PARD3B: variants seen among roughly 807,000 people sequenced by gnomAD.
PARD3B encodes the protein par-3 family cell polarity regulator beta, also known as partitioning defective 3 homolog B.
PARD3B carries 103 observed loss-of-function variants against 130.2 expected under a neutral mutation model. That is an observed-to-expected ratio of 0.79 (90% confidence interval 0.67 to 0.93). The LOEUF (loss-of-function observed/expected upper bound fraction) is 0.93. PARD3B is among the 40% of genes least tolerant of loss of function. PARD3B has a pLI of 0.00. For synonymous variants in PARD3B, 583 were observed against 553.2 expected, an observed-to-expected ratio of 1.05 and a Z score of -0.76; for missense variants, 1,609 against 1,499.2, an observed-to-expected ratio of 1.07 and a Z score of -1.21.
In PARD3B at chr2:204,883,440, TA is replaced by T. The variant is rs1303715282; in HGVS notation, c.223-81711del. On this transcript the variant is annotated intron_variant, in intron 2 of 22. Coordinates refer to ENST00000406610, the MANE Select transcript of PARD3B (RefSeq NM_001302769.2). ...ATAATATATATATATATAAAATATA[TA>T]TATATATATATATATTTTTTTTTTT... Among the ~76,000 whole-genome samples the T allele has an allele frequency of 1.1e-4, 11 of 102,298 alleles. 1 individual carries two copies. In the East Asian group the frequency reaches 2.4e-3, roughly 22 times the overall value. The allele number at this position is 102,298 out of a possible 152,430, so 67.1% of individuals were successfully genotyped here. A position where few individuals can be genotyped will look rare whatever the true frequency, so the allele number is the denominator to read the frequency against.
At chr2:205,468,818 C>T (rs2048723524) in intron 20 of PARD3B, among the ~76,000 whole-genome samples, 1 of 152,176 alleles carries the variant, frequency 6.6e-6, no homozygotes, top group South Asian at 2.1e-4. Context: ...CATGCATTTC[C>T]TTTAACAAAT....
chr2:205,002,831 A>G (rs765494327), intron 3 of PARD3B, among the ~76,000 whole-genome samples: 3 of 152,188 alleles, frequency 2.0e-5, no homozygotes, highest in Non-Finnish European at 4.4e-5. Flanking sequence ...ATAAGAAATT[A>G]CCACAAACTC....
chr2:204,936,847 G>A (rs766979294), intron 2 of PARD3B, among the ~76,000 whole-genome samples: 2 of 152,212 alleles, frequency 1.3e-5, no homozygotes, highest in African/African-American at 4.8e-5. Flanking sequence ...GCATGAAACC[G>A]ATGCAGCAAC....
At chr2:204,977,764 A>G (rs1248036913) in intron 3 of PARD3B, among the ~76,000 whole-genome samples, 1 of 134,632 alleles carries the variant, frequency 7.4e-6, no homozygotes, top group East Asian at 2.5e-4. Flanking sequence ...GTGAGCCGAG[A>G]TGGCGCCACT....
intron 19 of PARD3B, among the ~76,000 whole-genome samples, chr2:205,434,688 A>G (rs976416396): frequency 7.9e-5 from 12 of 152,118 alleles, no homozygotes; most frequent in African/African-American, 2.4e-4. Flanking sequence ...ATATTAGGAA[A>G]AGCAGTTGAT....
chr2:204,750,590 A>G (rs1290186262), intron 2 of PARD3B, among the ~76,000 whole-genome samples: 2 of 140,408 alleles, frequency 1.4e-5, no homozygotes, highest in African/African-American at 2.9e-5. Flanking sequence ...TGTTTCAAAA[A>G]TACACACATA....
At chr2:205,065,401 T>C (rs892620354) in intron 4 of PARD3B, among the ~76,000 whole-genome samples, 3 of 152,198 alleles carry the variant, frequency 2.0e-5, no homozygotes, top group Admixed American at 1.3e-4. Flanking sequence ...TTTGTTTCCA[T>C]AGAATAATTT....
intron 10 of PARD3B, among the ~76,000 whole-genome samples, chr2:205,132,582 CTT>C (rs2032102944): frequency 6.6e-6 from 1 of 152,144 alleles, no homozygotes; most frequent in Non-Finnish European, 1.5e-5. Context: ...CCTTACGCAG[CTT>C]TCCATCCATA....
intron 1 of PARD3B, among the ~76,000 whole-genome samples, chr2:204,658,348 T>G (rs1478352925): frequency 6.6e-6 from 1 of 152,194 alleles, no homozygotes; most frequent in Non-Finnish European, 1.5e-5. Flanking sequence ...CTTATAGATA[T>G]AAACTTTTCA....
At chr2:205,545,705 T>C (rs1239835724) in intron 21 of PARD3B, among the ~76,000 whole-genome samples, 21 of 152,156 alleles carry the variant, frequency 1.4e-4, no homozygotes, top group Non-Finnish European at 1.5e-5. Context: ...AAAAAATGTG[T>C]CCTAACCTAT....
rs368527110 is a variant in PARD3B, at chr2:205,183,426, C to A, written c.1925-2338C>A. 5.8e-4 allele frequency among the ~76,000 whole-genome samples: 89 copies of A among 152,276 alleles called. No individual in the cohort carries two copies. Among genetic ancestry groups the A allele is most frequent in the Middle Eastern group, 6.8e-3 (2 of 294 alleles). ...GTTGTCCCAGGATGTCCATTGTCCC[C>A]AATTTACATTACAGTCCTTCTGTTC... On this transcript the variant is annotated intron_variant, in intron 13 of 22. Transcript: ENST00000406610. The surrounding 1 kb of genome is among the most constrained non-coding windows in gnomAD (Gnocchi z 5.2).
chr2:205,387,702 G>T (rs938870742), intron 18 of PARD3B, among the ~76,000 whole-genome samples: 1 of 152,176 alleles, frequency 6.6e-6, no homozygotes, highest in Non-Finnish European at 1.5e-5. Context: ...AAAAGGATTA[G>T]TTATTGGAGG....
chr2:204,651,959 G>A (rs2035493404), intron 1 of PARD3B, among the ~76,000 whole-genome samples: 1 of 152,138 alleles, frequency 6.6e-6, no homozygotes, highest in Non-Finnish European at 1.5e-5. Context: ...TGGCTGGGAT[G>A]TGGGGCACCA....
chr2:205,593,958 G>A (rs2054481518), intron 22 of PARD3B, among the ~76,000 whole-genome samples: 1 of 152,136 alleles, frequency 6.6e-6, no homozygotes, highest in African/African-American at 2.4e-5. Context: ...CCACTCTTAT[G>A]AGAAGAAAAG....
intron 21 of PARD3B, among the ~76,000 whole-genome samples, chr2:205,518,263 T>C (rs544974909): frequency 6.6e-6 from 1 of 152,356 alleles, no homozygotes; most frequent in Admixed American, 6.5e-5. Context: ...TGGCTGCTAC[T>C]GTACTGGGTT....
intron 20 of PARD3B, among the ~76,000 whole-genome samples, chr2:205,454,828 G>A (rs750197223): frequency 1.6e-4 from 25 of 151,868 alleles, no homozygotes; most frequent in East Asian, 3.9e-4. Context: ...CAGGTCACAC[G>A]CACACTTAAC....
intron 2 of PARD3B, among the ~76,000 whole-genome samples, chr2:204,909,382 A>G (rs13021326): frequency 0.22 from 33,815 of 152,154 alleles, 4,280 homozygotes; most frequent in Non-Finnish European, 0.29. Flanking sequence ...ATGCCCATTC[A>G]TATCATGCAT....
intron 5 of PARD3B, among the ~76,000 whole-genome samples, chr2:205,108,073 C>T (rs1703353519): frequency 6.6e-6 from 1 of 152,176 alleles, no homozygotes; most frequent in Non-Finnish European, 1.5e-5. Flanking sequence ...GATATCTATT[C>T]ATTGATCAAA....
At chr2:204,856,986 G>A (rs900508572) in intron 2 of PARD3B, among the ~76,000 whole-genome samples, 2 of 151,840 alleles carry the variant, frequency 1.3e-5, no homozygotes, top group African/African-American at 4.8e-5. Context: ...TTTTTTGTTT[G>A]TTTGTTTGTT....
Sources: allele counts gnomAD v4.1 joint callset (sites outside exome capture counted in the v4.1 genomes callset), GRCh38; gene constraint gnomAD v4.1.1; non-coding constraint Gnocchi (gnomAD v3.1); transcripts MANE v1.5; gene names NCBI Gene and HGNC (gene_info 2026-07-23, HGNC 2026-07-21).